The following HIVEP3 variants were observed in gnomAD, a reference collection of about 807,000 sequenced individuals.
HIVEP3 encodes HIVEP zinc finger 3.
HIVEP3 carries 49 observed loss-of-function variants against 152.8 expected under a neutral mutation model. That is an observed-to-expected ratio of 0.32 (90% confidence interval 0.26 to 0.41). The LOEUF (loss-of-function observed/expected upper bound fraction) is 0.41. HIVEP3 is among the 10% of genes least tolerant of loss of function. The pLI is 1.00. For missense variants in HIVEP3, 2,790 were observed against 3,103.3 expected, an observed-to-expected ratio of 0.90 and a Z score of 2.40; for synonymous variants, 1,269 against 1,289.0, an observed-to-expected ratio of 0.98 and a Z score of 0.33.
At chr1:41,740,268 A>C (rs1044781816) in intron 1 of HIVEP3, among the ~76,000 whole-genome samples, 2 of 152,258 alleles carry the variant, frequency 1.3e-5, no homozygotes, top group African/African-American at 4.8e-5. Flanking sequence ...CTCAGTCTCC[A>C]AGGCCATCCT....
intron 1 of HIVEP3, among the ~76,000 whole-genome samples, chr1:41,897,357 C>T (rs2124448754): frequency 6.6e-6 from 1 of 152,210 alleles, no homozygotes; most frequent in Admixed American, 6.5e-5. Context: ...GAACCTAATA[C>T]CAGTGTGATA....
chr1:41,716,723 G>A (rs181433006), intron 1 of HIVEP3, among the ~76,000 whole-genome samples: 28 of 152,316 alleles, frequency 1.8e-4, no homozygotes, highest in Admixed American at 1.4e-3. Flanking sequence ...TCTGGGTCAC[G>A]GAGGGCCCTG....
chr1:42,028,926 G>A (rs960316896), intron 1 of HIVEP3, among the ~76,000 whole-genome samples: 3 of 152,178 alleles, frequency 2.0e-5, no homozygotes, highest in Admixed American at 1.3e-4. Context: ...TACTGCCAAG[G>A]GGAACATGGG....
At chr1:41,687,248 T>C (rs576444865) in intron 2 of HIVEP3, among the ~76,000 whole-genome samples, 1 of 152,272 alleles carries the variant, frequency 6.6e-6, no homozygotes, top group South Asian at 2.1e-4. Context: ...GTGAAGGCAT[T>C]TATGCAACTT....
chr1:42,004,692 T>C (rs1231951013), intron 1 of HIVEP3, among the ~76,000 whole-genome samples: 1 of 152,196 alleles, frequency 6.6e-6, no homozygotes, highest in Admixed American at 6.5e-5. Flanking sequence ...GAAAATCCTA[T>C]CACCTATTGA....
intron 1 of HIVEP3, among the ~76,000 whole-genome samples, chr1:41,789,243 G>A (rs1479677507): frequency 6.6e-6 from 1 of 152,196 alleles, no homozygotes. Flanking sequence ...TGTTTTAGGT[G>A]GATGTAGCCA....
At chr1:41,794,240 A>G (rs1649858370) in intron 1 of HIVEP3, among the ~76,000 whole-genome samples, 3 of 152,204 alleles carry the variant, frequency 2.0e-5, no homozygotes, top group Admixed American at 1.3e-4. Flanking sequence ...GGGAACTCCC[A>G]TCTATAAAAC....
chr1:41,773,085 C>A (rs1268094094), intron 1 of HIVEP3, among the ~76,000 whole-genome samples: 2 of 152,140 alleles, frequency 1.3e-5, no homozygotes, highest in African/African-American at 4.8e-5. Flanking sequence ...ACAATATGAT[C>A]AAGTTCAGAT....
At chr1:41,512,169 G>A (rs1028452480) in intron 8 of HIVEP3, among the ~76,000 whole-genome samples, 1 of 152,074 alleles carries the variant, frequency 6.6e-6, no homozygotes, top group Non-Finnish European at 1.5e-5. Context: ...TTGGATATTT[G>A]TCCCCGCCCA....
At chr1:41,616,439 G>A (rs1273574070) in intron 3 of HIVEP3, among the ~76,000 whole-genome samples, 1 of 152,136 alleles carries the variant, frequency 6.6e-6, no homozygotes, top group Admixed American at 6.5e-5. Context: ...TAAGAGGGAC[G>A]CACAGAGTCT....
intron 2 of HIVEP3, among the ~76,000 whole-genome samples, chr1:41,669,051 G>T (rs1188445447): frequency 6.6e-6 from 1 of 152,134 alleles, no homozygotes; most frequent in Non-Finnish European, 1.5e-5. Context: ...AGTCCAGTCA[G>T]CCATGTACCT....
chr1:41,846,250 C>T (rs888613842), intron 1 of HIVEP3, among the ~76,000 whole-genome samples: 2 of 152,176 alleles, frequency 1.3e-5, no homozygotes, highest in Admixed American at 1.3e-4. Flanking sequence ...CCCCAATTTT[C>T]TGAAATGTGC....
chr1:41,883,242 G>T (rs1407617138), intron 1 of HIVEP3, among the ~76,000 whole-genome samples: 1 of 152,218 alleles, frequency 6.6e-6, no homozygotes, highest in Non-Finnish European at 1.5e-5. Flanking sequence ...TGCTGGGAAG[G>T]CTGGGGCAGC....
chr1:41,517,817 G>A (rs1419686709), intron 7 of HIVEP3, among the ~76,000 whole-genome samples: 1 of 152,190 alleles, frequency 6.6e-6, no homozygotes, highest in African/African-American at 2.4e-5. Context: ...CACCATGGCC[G>A]GGGTGTGTAC....
Position 41,845,405 on chromosome 1 carries a change from ACACACACACACACG to A in HIVEP3, c.-801+72994_-801+73007del, listed in dbSNP as rs1373225738. 9.0e-4 allele frequency among the ~76,000 whole-genome samples: 96 copies of A among 106,950 alleles called. 1 individual carries two copies. The highest frequency in any genetic ancestry group is 4.2e-3 in the African/African-American group (88 of 20,750). 70.2% of individuals were successfully genotyped at this position (106,950 alleles called of 152,430 possible). On this transcript the variant is annotated intron_variant, in intron 1 of 8. Coordinates refer to ENST00000372583, the MANE Select transcript of HIVEP3 (RefSeq NM_024503.5). The stretch of plus-strand genomic sequence containing the variant: ...CAACAACCACCTACACACCTCCTAT[ACACACACACACACG>A]CACACACACACACACACACACACAC...
intron 1 of HIVEP3, among the ~76,000 whole-genome samples, chr1:41,792,728 C>T (rs1442886544): frequency 6.6e-6 from 1 of 152,218 alleles, no homozygotes; most frequent in East Asian, 1.9e-4. Flanking sequence ...AGGACACCTT[C>T]CATGGCCACT....
intron 1 of HIVEP3, among the ~76,000 whole-genome samples, chr1:41,787,535 CTTT>C (rs200281948): frequency 3.2e-4 from 39 of 122,838 alleles, no homozygotes; most frequent in African/African-American, 1.0e-3. Flanking sequence ...TTCTTTCTTT[CTTT>C]TTTTTTTTTT....
At chr1:41,544,580 T>C (rs1290276716) in intron 5 of HIVEP3, among the ~76,000 whole-genome samples, 1 of 150,684 alleles carries the variant, frequency 6.6e-6, no homozygotes, top group Non-Finnish European at 1.5e-5. Context: ...CGACCACCTC[T>C]ACCACCATCA....
At position 41,510,529 on chromosome 1, in the gene HIVEP3, G is replaced by A. The variant is rs1397650216; in HGVS notation, c.7143C>T (p.Asp2381=). ...NLSGEPRTRQ[D]SPKPSGSGEP... is the part of the protein sequence containing the mutation. The stretch of plus-strand genomic sequence containing the variant: ...CCCCACTTCCTGAGGGCTTGGGGGA[G>A]TCCTGCCTGGTCCTGGGTTCCCCGG... The change falls in exon 9 of 9, where the codon GAC becomes GAT. Residue 2381 remains aspartate (D), a synonymous_variant. Coordinates refer to ENST00000372583, the MANE Select transcript of HIVEP3 (RefSeq NM_024503.5). The A allele has an allele frequency of 1.3e-6, 2 of 1,586,132 alleles. No homozygotes were observed. Among genetic ancestry groups the A allele is most frequent in the East Asian group, 2.3e-5 (1 of 43,592 alleles).
Sources: allele counts gnomAD v4.1 joint callset (sites outside exome capture counted in the v4.1 genomes callset), GRCh38; gene constraint gnomAD v4.1.1; transcripts MANE v1.5; gene names NCBI Gene and HGNC (gene_info 2026-07-23, HGNC 2026-07-21).